COBL: variants seen among roughly 807,000 people sequenced by gnomAD.
COBL encodes the protein protein cordon-bleu.
COBL carries 51 observed loss-of-function variants against 98.8 expected under a neutral mutation model. The ratio of observed to expected loss-of-function variants is 0.52; its 90% CI spans 0.41 to 0.65. The LOEUF (loss-of-function observed/expected upper bound fraction) is 0.65, where lower values mean the gene tolerates loss of function less well. Ranked by LOEUF, COBL falls within the 30% of genes least tolerant of loss-of-function variation. The probability of loss-of-function intolerance (pLI) is 0.00; values close to 1 mark genes in which losing one functional copy is unlikely to be tolerated. For missense variants in COBL, 1,617 were observed against 1,617.5 expected (o/e 1.00, Z 0.01); for synonymous variants, 634 against 651.7 (o/e 0.97, Z 0.41).
chr7:51,240,710 C>CTAACT (rs1795712832), intron 1 of COBL, among the ~76,000 whole-genome samples: 2 of 15,962 alleles, frequency 1.3e-4, no homozygotes, highest in Admixed American at 8.5e-4. Context: ...CCACTCCTGG[C>CTAACT]TTTTTGTATT....
intron 6 of COBL, among the ~76,000 whole-genome samples, chr7:51,092,557 T>C (rs1301852616): frequency 6.6e-6 from 1 of 152,226 alleles, no homozygotes; most frequent in Non-Finnish European, 1.5e-5. Flanking sequence ...CCATTGTGTG[T>C]TCTTGATACC....
chr7:51,177,493 G>A (rs1327056408), intron 5 of COBL, among the ~76,000 whole-genome samples: 1 of 152,188 alleles, frequency 6.6e-6, no homozygotes, highest in African/African-American at 2.4e-5. Context: ...GAAGATTATA[G>A]CCAGGTGCAG....
chr7:51,025,100 C>T lies in COBL; in HGVS notation c.3768+9G>A, dbSNP rs768075633. ...CCCCATTGAAATGCGCACACACAGT[C>T]GCCATCACCTTTCTCAGTCTCGCAG... On this transcript the variant is annotated intron_variant, in intron 12 of 12. Transcript: ENST00000265136. 21 of 1,611,822 alleles carry T rather than the reference C, an allele frequency of 1.3e-5. No homozygotes were observed. The highest frequency in any genetic ancestry group is 1.0e-4 in the Admixed American group (6 of 60,006).
chr7:51,132,516 C>T (rs1439651195), intron 6 of COBL, among the ~76,000 whole-genome samples: 1 of 152,188 alleles, frequency 6.6e-6, no homozygotes, highest in Non-Finnish European at 1.5e-5. Flanking sequence ...CCCCTACTCA[C>T]AATCTTAATC....
intron 7 of COBL, among the ~76,000 whole-genome samples, chr7:51,062,846 C>T (rs1040765698): frequency 1.3e-5 from 2 of 152,148 alleles, no homozygotes; most frequent in Non-Finnish European, 2.9e-5. Flanking sequence ...CTGGAAGAGG[C>T]TGTGAGACAC....
chr7:51,258,785 T>G (rs1014866202), intron 1 of COBL, among the ~76,000 whole-genome samples: 1 of 152,360 alleles, frequency 6.6e-6, no homozygotes. Flanking sequence ...AAGTCCTTTT[T>G]GAAATCAGTT....
At chr7:51,299,355 T>C (rs1483096794) in intron 1 of COBL, among the ~76,000 whole-genome samples, 2 of 152,248 alleles carry the variant, frequency 1.3e-5, no homozygotes, top group African/African-American at 2.4e-5. Context: ...TTCGATTTGC[T>C]AGAACAGAAA....
At chr7:51,305,728 C>T (rs754512404) in intron 1 of COBL, among the ~76,000 whole-genome samples, 3 of 152,126 alleles carry the variant, frequency 2.0e-5, no homozygotes, top group African/African-American at 2.4e-5. Context: ...ACCAGGTATG[C>T]GCTTAAAACA....
At chr7:51,212,230 T>C (rs559583236) in intron 2 of COBL, among the ~76,000 whole-genome samples, 4 of 152,306 alleles carry the variant, frequency 2.6e-5, no homozygotes, top group African/African-American at 7.2e-5. Flanking sequence ...CTTCAAAAAA[T>C]TTTTTTGAGT....
At chr7:51,313,676 A>T (rs916596197) in intron 1 of COBL, among the ~76,000 whole-genome samples, 1 of 152,240 alleles carries the variant, frequency 6.6e-6, no homozygotes, top group Non-Finnish European at 1.5e-5. Flanking sequence ...CCAAACAGCA[A>T]GCCTTCTTCT....
intron 1 of COBL, among the ~76,000 whole-genome samples, chr7:51,310,645 A>G (rs1474514549): frequency 6.6e-6 from 1 of 151,932 alleles, no homozygotes; most frequent in African/African-American, 2.4e-5. Flanking sequence ...TTATCTTTGG[A>G]GGGTTGTTTT....
At chr7:51,170,299 A>G (rs1787726705) in intron 5 of COBL, among the ~76,000 whole-genome samples, 1 of 151,948 alleles carries the variant, frequency 6.6e-6, no homozygotes, top group African/African-American at 2.4e-5. Context: ...GCTTCGATAT[A>G]CAATTAGCTC....
intron 2 of COBL, among the ~76,000 whole-genome samples, chr7:51,205,225 G>GA (rs1365360770): frequency 6.6e-6 from 1 of 152,110 alleles, no homozygotes; most frequent in Non-Finnish European, 1.5e-5. Flanking sequence ...TAAGAAAGAA[G>GA]AACAAACCTG....
chr7:51,316,466 A>G, intron 1 of COBL, 127 bp downstream of exon 1: 1 of 646,488 alleles, frequency 1.5e-6, no homozygotes, highest in Non-Finnish European at 2.1e-6. Flanking sequence ...CACCTGCTCC[A>G]CCACTACCAC....
Position 51,029,557 on chromosome 7 carries a change from G to T in COBL, c.1539C>A (p.Ser513=), listed in dbSNP as rs567175877. The stretch of plus-strand genomic sequence containing the variant: ...ATGCACCATGGATGGAGCTGGTGAG[G>T]GAGCTGGTGTCTGTTTCATAGCTGT... ...MEDSYETDTS[S]LTSSIHGASN... The change falls in exon 10 of 13, where the codon TCC becomes TCA. Residue 513 remains serine (S), a synonymous_variant. Transcript: ENST00000265136. 1.2e-6 allele frequency: 2 copies of T among 1,605,894 alleles called. No homozygotes were observed. The highest frequency in any genetic ancestry group is 2.7e-5 in the African/African-American group (2 of 74,760).
chr7:51,137,747 C>A (rs1398018326), intron 5 of COBL, among the ~76,000 whole-genome samples: 1 of 152,126 alleles, frequency 6.6e-6, no homozygotes, highest in Non-Finnish European at 1.5e-5. Flanking sequence ...TGTATGTAAT[C>A]CCAGCTCCAA....
At chr7:51,053,288 G>A (rs58203660) in intron 7 of COBL, among the ~76,000 whole-genome samples, 47,486 of 152,006 alleles carry the variant, frequency 0.31, 8,180 homozygotes, top group East Asian at 0.45. Context: ...AGATCTCTAC[G>A]GATGATAAGA....
chr7:51,023,599 A>C (rs2128864366), intron 12 of COBL, among the ~76,000 whole-genome samples: 1 of 152,316 alleles, frequency 6.6e-6, no homozygotes, highest in African/African-American at 2.4e-5. Context: ...ACAGGGCAAC[A>C]AAGTTGTGAC....
chr7:51,264,669 T>TC (rs1260270594), intron 1 of COBL, among the ~76,000 whole-genome samples: 2 of 61,284 alleles, frequency 3.3e-5, no homozygotes, highest in African/African-American at 7.5e-5. Context: ...AAACTCCATC[T>TC]CCCAAAAAAA....
Sources: gnomAD v4.1 joint callset for allele counts (sites outside exome capture counted in the v4.1 genomes callset) on GRCh38, gnomAD v4.1.1 for gene constraint, MANE v1.5 for transcripts, NCBI Gene and HGNC (gene_info 2026-07-23, HGNC 2026-07-21) for gene names.